The following SPIRE2 variants were observed in gnomAD, a reference collection of about 807,000 sequenced individuals.
SPIRE2 encodes the protein protein spire homolog 2.
A neutral mutation model predicts 80.7 loss-of-function variants in SPIRE2; 76 were observed. That is an observed-to-expected ratio of 0.94 (90% CI 0.78 to 1.14). The LOEUF is 1.14. Among genes scored for constraint, SPIRE2 ranks in the 50% most tolerant of loss-of-function variants. The probability of loss-of-function intolerance (pLI) is 0.00; values close to 1 mark genes in which losing one functional copy is unlikely to be tolerated. For missense variants in SPIRE2, 1,196 were observed against 1,015.3 expected (o/e 1.18, Z -2.42); for synonymous variants, 535 against 432.6 (o/e 1.24, Z -2.94).
Position 89,850,533 on chromosome 16 carries a change from G to T in SPIRE2, c.518G>T (p.Arg173Leu). 1 of 1,514,028 alleles carries T rather than the reference G, an allele frequency of 6.6e-7. No individual in the cohort carries two copies. Among genetic ancestry groups the T allele is most frequent in the African/African-American group, 1.4e-5 (1 of 72,588 alleles). 93.8% of individuals were successfully genotyped at this position (1,514,028 alleles called of 1,614,324 possible). Reference sequence around the variant, plus strand: ...GTGCGCACCTTTGCCCAGGCCATGCGGCTGTGCGCGGCGCGGCTGACCGAC... The same window carrying T: ...GTGCGCACCTTTGCCCAGGCCATGCTGCTGTGCGCGGCGCGGCTGACCGAC... ...RSVRTFAQAM[R>L]LCAARLTDPR... Residue 173 changes from arginine to leucine, a missense_variant, in exon 3 of 15, where the codon CGG (arginine) becomes CTG (leucine). Coordinates refer to ENST00000378247, the MANE Select transcript of SPIRE2 (RefSeq NM_032451.2).
intron 3 of SPIRE2, among the ~76,000 whole-genome samples, chr16:89,852,150 C>T (rs1427178860): frequency 5.9e-5 from 1 of 16,904 alleles, no homozygotes; most frequent in African/African-American, 3.1e-4. Flanking sequence ...CCCCCCAGAT[C>T]CCATGGCCCA....
At chr16:89,831,965 C>T (rs114288163) in intron 1 of SPIRE2, among the ~76,000 whole-genome samples, 81 of 139,320 alleles carry the variant, frequency 5.8e-4, no homozygotes, top group African/African-American at 1.9e-3. Flanking sequence ...ATCTAGGCAG[C>T]ACGGGGCACC....
At chr16:89,855,095 C>T (rs1454962649) in intron 5 of SPIRE2, among the ~76,000 whole-genome samples, 8 of 152,144 alleles carry the variant, frequency 5.3e-5, no homozygotes, top group East Asian at 1.9e-4. Context: ...CCCGCCACCA[C>T]GCCTGGCTAA....
intron 1 of SPIRE2, among the ~76,000 whole-genome samples, chr16:89,840,484 T>C (rs571860879): frequency 3.3e-4 from 48 of 147,220 alleles, no homozygotes; most frequent in Middle Eastern, 3.8e-3. Flanking sequence ...CTCCTGACCT[T>C]GGGATCCGCC....
intron 4 of SPIRE2, 40 bp from the exon 5 acceptor site, chr16:89,854,447 C>A (rs1477398815): frequency 2.5e-6 from 4 of 1,610,832 alleles, no homozygotes; most frequent in Non-Finnish European, 3.4e-6. Context: ...CGTGGAGCTT[C>A]ACCTGGGGCT....
At chr16:89,830,073 C>A (rs7185897) in intron 1 of SPIRE2, among the ~76,000 whole-genome samples, 84,183 of 150,928 alleles carry the variant, frequency 0.56, 26,130 homozygotes, top group East Asian at 0.74. Context: ...GAAACCGAGG[C>A]ACACAGTGGT....
At chr16:89,834,792 G>A (rs1469687234) in intron 1 of SPIRE2, among the ~76,000 whole-genome samples, 1 of 124,420 alleles carries the variant, frequency 8.0e-6, no homozygotes, top group African/African-American at 3.1e-5. Context: ...CATAGCCCAT[G>A]TGAATCTGTG....
At chr16:89,829,522 G>A (rs933539108) in intron 1 of SPIRE2, among the ~76,000 whole-genome samples, 2 of 152,242 alleles carry the variant, frequency 1.3e-5, no homozygotes, top group Non-Finnish European at 2.9e-5. Context: ...GGGGGGCAGA[G>A]GCAGGCTGTG....
intron 1 of SPIRE2, among the ~76,000 whole-genome samples, chr16:89,831,753 T>C: frequency 6.6e-6 from 1 of 151,154 alleles, no homozygotes; most frequent in Non-Finnish European, 1.5e-5. Flanking sequence ...ATGCCCCACG[T>C]TGCTGGTCCT....
rs760769595 is a variant in SPIRE2 at position 89,850,433 on chromosome 16, A to G, written c.418A>G (p.Ser140Gly). ...DLMANNDSED[S>G]GCGAADEGYG... ...CATGGCCAACAACGACAGCGAGGAC[A>G]GCGGCTGCGGTGCCGCCGATGAGGG... Residue 140 changes from serine to glycine, a missense_variant, in exon 3 of 15, where the codon AGC (serine) becomes GGC (glycine). Transcript: ENST00000378247. 1.6e-5 allele frequency: 26 copies of G among 1,577,928 alleles called. No individual in the cohort carries two copies. The East Asian group carries it at 5.7e-4, about 35-fold the overall frequency.
At chr16:89,850,128 G>A (rs1328492908) in intron 2 of SPIRE2, 176 bp from the exon 3 acceptor site, 2 of 716,542 alleles carry the variant, frequency 2.8e-6, no homozygotes, top group Non-Finnish European at 5.0e-6. Flanking sequence ...GGGCCACCGC[G>A]CCCGGCCGGG....
chr16:89,851,719 T>C (rs1345170591), intron 3 of SPIRE2, among the ~76,000 whole-genome samples: 3 of 152,082 alleles, frequency 2.0e-5, no homozygotes, highest in Non-Finnish European at 4.4e-5. Flanking sequence ...TCTGCACACA[T>C]GGGCTCTGCC....
chr16:89,860,638 C>A, intron 9 of SPIRE2, 45 bp from the exon 10 acceptor site: 1 of 1,336,060 alleles, frequency 7.5e-7, no homozygotes, highest in Admixed American at 2.0e-5. Context: ...CTCTTTACCA[C>A]AGCTCCTGCC....
At chr16:89,833,776 G>A (rs1234743148) in intron 1 of SPIRE2, among the ~76,000 whole-genome samples, 4 of 152,216 alleles carry the variant, frequency 2.6e-5, no homozygotes, top group Admixed American at 6.5e-5. Context: ...TCCAGGCTGC[G>A]AATCCCGACC....
intron 3 of SPIRE2, among the ~76,000 whole-genome samples, chr16:89,851,609 C>G (rs559460904): frequency 6.6e-6 from 1 of 152,240 alleles, no homozygotes; most frequent in South Asian, 2.1e-4. Flanking sequence ...TCTCCGTGGA[C>G]TCAGAGTTAG....
intron 2 of SPIRE2, among the ~76,000 whole-genome samples, chr16:89,849,564 C>G (rs1299298653): frequency 6.6e-6 from 1 of 152,188 alleles, no homozygotes; most frequent in Non-Finnish European, 1.5e-5. Flanking sequence ...GTGTAATTGT[C>G]CATCGACCTC....
intron 13 of SPIRE2, 87 bp downstream of exon 13, chr16:89,868,303 C>G (rs1345623543): frequency 1.5e-6 from 2 of 1,313,284 alleles, no homozygotes; most frequent in Non-Finnish European, 1.1e-6. Context: ...ATGATGCTGC[C>G]TCACCAGGCA....
At chr16:89,843,523 C>T (rs1319122738) in intron 1 of SPIRE2, among the ~76,000 whole-genome samples, 2 of 150,868 alleles carry the variant, frequency 1.3e-5, no homozygotes, top group Admixed American at 1.3e-4. Context: ...TCTGTCTCTC[C>T]CTCTGACCCG....
chr16:89,838,056 G>A (rs1018959832), intron 1 of SPIRE2, among the ~76,000 whole-genome samples: 1 of 151,886 alleles, frequency 6.6e-6, no homozygotes, highest in African/African-American at 2.4e-5. Context: ...TGTCACCCAG[G>A]CTGGAGTGCC....
Sources: allele counts gnomAD v4.1 joint callset (sites outside exome capture counted in the v4.1 genomes callset), GRCh38; gene constraint gnomAD v4.1.1; transcripts MANE v1.5; gene names NCBI Gene and HGNC (gene_info 2026-07-23, HGNC 2026-07-21).